Variants in ASB3 observed in about 807,000 individuals in gnomAD.
ASB3 encodes the protein ankyrin repeat and SOCS box protein 3.
Under a neutral mutation model 54.5 loss-of-function variants are expected in ASB3, and 41 were observed. The ratio of observed to expected loss-of-function variants is 0.75; its 90% CI spans 0.59 to 0.98. The LOEUF is 0.98. ASB3 is among the 50% of genes least tolerant of loss of function. The probability of loss-of-function intolerance (pLI) is 0.00; values close to 1 mark genes in which losing one functional copy is unlikely to be tolerated. For synonymous variants in ASB3, 266 were observed against 221.2 expected (o/e 1.20, Z -1.80); for missense variants, 733 against 620.0 (o/e 1.18, Z -1.94).
intron 1 of ASB3, among the ~76,000 whole-genome samples, chr2:53,769,573 G>A (rs998165281): frequency 9.9e-5 from 15 of 152,236 alleles, no homozygotes; most frequent in African/African-American, 2.2e-4. Context: ...CTGGCCAGGC[G>A]TGGTGGTTCC....
chr2:53,728,916 G>A (rs1292371398), intron 4 of ASB3, 69 bp from the exon 5 acceptor site: 1 of 1,454,884 alleles, frequency 6.9e-7, no homozygotes, highest in Non-Finnish European at 9.1e-7. Flanking sequence ...TCTTCTTACT[G>A]TGTTTTTTTT....
chr2:53,767,387 A>G (rs990154431), intron 1 of ASB3: 2 of 152,546 alleles, frequency 1.3e-5, no homozygotes, highest in South Asian at 2.1e-4. Context: ...CTGCTGTTAT[A>G]TAGGCAAAAA....
intron 8 of ASB3, among the ~76,000 whole-genome samples, chr2:53,696,586 G>A (rs1025880185): frequency 6.6e-6 from 1 of 152,062 alleles, no homozygotes; most frequent in African/African-American, 2.4e-5. Flanking sequence ...AAGAAAAATT[G>A]GCACAAATCC....
intron 9 of ASB3, among the ~76,000 whole-genome samples, chr2:53,672,354 T>G (rs1435431508): frequency 3.3e-5 from 5 of 152,142 alleles, no homozygotes; most frequent in African/African-American, 1.2e-4. Flanking sequence ...AATTTGACAC[T>G]TTTCTGTAAA....
chr2:53,711,997 T>C, intron 7 of ASB3, among the ~76,000 whole-genome samples: 1 of 152,100 alleles, frequency 6.6e-6, no homozygotes, highest in East Asian at 1.9e-4. Context: ...CACTGAAGTT[T>C]ACACAGAAAA....
chr2:53,694,931 T>A (rs1669107115), intron 8 of ASB3, among the ~76,000 whole-genome samples: 1 of 152,158 alleles, frequency 6.6e-6, no homozygotes, highest in African/African-American at 2.4e-5. Context: ...CAGTATTATA[T>A]TTTTAGAAGC....
At chr2:53,674,754 G>T (rs367619467) in intron 9 of ASB3, among the ~76,000 whole-genome samples, 1 of 151,996 alleles carries the variant, frequency 6.6e-6, no homozygotes, top group Non-Finnish European at 1.5e-5. Flanking sequence ...TGTCTTTCTC[G>T]TTGGTATCCA....
chr2:53,732,224 G>A (rs1176860370), intron 3 of ASB3, among the ~76,000 whole-genome samples: 1 of 152,042 alleles, frequency 6.6e-6, no homozygotes, highest in Non-Finnish European at 1.5e-5. Context: ...GCCTCCCAAA[G>A]TGCTGGGATT....
rs190211097 is a variant in ASB3, at chr2:53,671,853, C to T, written c.1370-1163G>A. Among the ~76,000 whole-genome samples the T allele has an allele frequency of 7.7e-4, 89 of 116,152 alleles. 10 individuals carry two copies. Among genetic ancestry groups the T allele is most frequent in the African/African-American group, 2.6e-3 (85 of 32,490 alleles). The allele number at this position is 116,152 out of a possible 152,430, so 76.2% of individuals were successfully genotyped here. On this transcript the variant is annotated intron_variant, in intron 9 of 9. Transcript: ENST00000263634. ...AGTTAATGTCTGCTTTTATGTGAAT[C>T]GGACCAAAGCCTTTTGTTAATTCAA...
At position 53,750,882 on chromosome 2, in the gene ASB3, C is replaced by A; in HGVS notation, c.256G>T (p.Ala86Ser). 1 of 1,600,946 alleles carries A rather than the reference C, an allele frequency of 6.2e-7. No individual in the cohort carries two copies. The highest frequency in any genetic ancestry group is 1.1e-5 in the South Asian group (1 of 87,676). ...ATTTTCCAATGTCCTTGACTTGCAG[C>A]GAGATGCAAAGCACAGAAACCTTCA... Reference protein sequence around the residue: ...TFEGFCALHLAASQGHWKIVQ... With the variant: ...TFEGFCALHLSASQGHWKIVQ... The change falls in exon 3 of 10, where the codon GCT becomes TCT. Residue 86 changes from alanine to serine, a missense_variant. Ala to Ser is a moderately conservative substitution (Grantham distance 99, BLOSUM62 1). Coordinates refer to ENST00000263634, the MANE Select transcript of ASB3 (RefSeq NM_016115.5).
Position 53,687,105 on chromosome 2 carries a change from C to A in ASB3, c.1369+6779G>T, listed in dbSNP as rs144496813. ...CAAAATGTCCCAGCAAATGTGAGTA[C>A]AACCCATTAGTATCTAGTTTAATAA... On this transcript the variant is annotated intron_variant, in intron 9 of 9. Transcript: ENST00000263634. Among the ~76,000 whole-genome samples the A allele has an allele frequency of 8.1e-3, 1,239 of 152,198 alleles. 13 individuals are homozygous for A. Among genetic ancestry groups the A allele is most frequent in the African/African-American group, 0.028 (1,178 of 41,540 alleles).
intron 1 of ASB3, among the ~76,000 whole-genome samples, chr2:53,780,335 T>G (rs1466834065): frequency 6.6e-6 from 1 of 152,078 alleles, no homozygotes; most frequent in Non-Finnish European, 1.5e-5. Context: ...CTAGCTCAAA[T>G]GAGCGAACTA....
chr2:53,737,509 A>G lies in ASB3; in HGVS notation c.356-7939T>C, dbSNP rs140062253. Among the ~76,000 whole-genome samples the G allele has an allele frequency of 1.5e-3, 223 of 152,268 alleles. 5 individuals are homozygous for G. The East Asian group carries it at 0.041, about 28-fold the overall frequency. ...TGCACATGTACAAGGTAAGGCAAAT[A>G]AAAACTGCTTAAGGGTCAAGAATGG... On this transcript the variant is annotated intron_variant, in intron 3 of 9. Coordinates refer to ENST00000263634, the MANE Select transcript of ASB3 (RefSeq NM_016115.5).
intron 1 of ASB3, among the ~76,000 whole-genome samples, chr2:53,779,498 A>G (rs1674528355): frequency 6.6e-6 from 1 of 151,696 alleles, no homozygotes; most frequent in South Asian, 2.1e-4. Flanking sequence ...GTGCAGTGGC[A>G]CAATCACAAC....
intron 5 of ASB3, among the ~76,000 whole-genome samples, chr2:53,727,099 T>A (rs1409238644): frequency 6.6e-6 from 1 of 152,222 alleles, no homozygotes; most frequent in Non-Finnish European, 1.5e-5. Flanking sequence ...GCCCTGATTC[T>A]GCCAGGAAAC....
chr2:53,730,109 C>A (rs570974634), intron 3 of ASB3, among the ~76,000 whole-genome samples: 1 of 151,970 alleles, frequency 6.6e-6, no homozygotes, highest in Non-Finnish European at 1.5e-5. Context: ...GAACTAAAAG[C>A]GGATTCCAGA....
intron 3 of ASB3, among the ~76,000 whole-genome samples, chr2:53,734,867 G>A (rs1671525295): frequency 6.6e-6 from 1 of 151,538 alleles, no homozygotes; most frequent in African/African-American, 2.4e-5. Flanking sequence ...TGACTCACCA[G>A]GATTCTGTCT....
intron 2 of ASB3, chr2:53,763,501 G>C (rs1673263898): frequency 5.9e-6 from 1 of 169,296 alleles, no homozygotes; most frequent in Admixed American, 6.5e-5. Context: ...GTGTGTATAG[G>C]ACGTTTTCCT....
Position 53,670,573 on chromosome 2 carries a change from T to A in ASB3, c.1487A>T (p.Asn496Ile), listed in dbSNP as rs1432400697. The A allele has an allele frequency of 6.2e-7, 1 of 1,613,950 alleles. No individual in the cohort carries two copies. ...SQLPLPRSLH[N>I]YLLYEDVLRM... ...CAGAACGTCTTCATAGAGCAAATAATTATGTAGGCTTCTGGGAAGTGGCAG... is the reference window on the plus strand; with the variant it reads ...CAGAACGTCTTCATAGAGCAAATAAATATGTAGGCTTCTGGGAAGTGGCAG... Residue 496 changes from asparagine (N) to isoleucine (I), a missense_variant, in exon 10 of 10, where the codon AAT (asparagine) becomes ATT (isoleucine). Transcript: ENST00000263634.
Sources: allele counts gnomAD v4.1 joint callset (sites outside exome capture counted in the v4.1 genomes callset), GRCh38; gene constraint gnomAD v4.1.1; transcripts MANE v1.5; gene names NCBI Gene and HGNC (gene_info 2026-07-23, HGNC 2026-07-21).